The following BCAS1 variants were observed in gnomAD, a reference collection of about 807,000 sequenced individuals.
The protein encoded by BCAS1 is breast carcinoma-amplified sequence 1.
BCAS1 carries 46 observed loss-of-function variants against 65.4 expected under a neutral mutation model. That is an observed-to-expected ratio of 0.70 (90% CI 0.55 to 0.90). The LOEUF (loss-of-function observed/expected upper bound fraction) is 0.90, where lower values mean the gene tolerates loss of function less well. BCAS1 is among the 40% of genes least tolerant of loss of function. The pLI is 0.00. For missense variants in BCAS1, 793 were observed against 771.2 expected (o/e 1.03, Z -0.33); for synonymous variants, 298 against 293.5 (o/e 1.02, Z -0.16).
At chr20:53,985,847 T>C (rs1017350744) in intron 7 of BCAS1, among the ~76,000 whole-genome samples, 5 of 152,172 alleles carry the variant, frequency 3.3e-5, no homozygotes, top group African/African-American at 1.2e-4. Context: ...CAAGTTCCCA[T>C]CAGTAAAAAC....
chr20:54,048,005 C>T (rs571550528), intron 3 of BCAS1, among the ~76,000 whole-genome samples: 2 of 152,268 alleles, frequency 1.3e-5, no homozygotes, highest in East Asian at 3.9e-4. Context: ...CATAGTTGAG[C>T]ATAGAAAGTT....
At chr20:54,069,248 G>C (rs1312944961) in intron 1 of BCAS1, among the ~76,000 whole-genome samples, 3 of 152,072 alleles carry the variant, frequency 2.0e-5, no homozygotes, top group Non-Finnish European at 4.4e-5. Context: ...GACTCCGGGG[G>C]AACAATGTAA....
chr20:54,029,238 T>C, intron 3 of BCAS1: 1 of 985,290 alleles, frequency 1.0e-6, no homozygotes, highest in South Asian at 4.7e-5. Context: ...TGATATTCAA[T>C]GTTAATTAAT....
chr20:54,012,467 TA>T (rs11343372), intron 4 of BCAS1, among the ~76,000 whole-genome samples: 35,213 of 107,992 alleles, frequency 0.33, 4,173 homozygotes, highest in East Asian at 0.52. Context: ...AGTTAAAAAG[TA>T]AAAAAAAAAA....
At chr20:54,041,954 T>C (rs2092008257) in intron 3 of BCAS1, among the ~76,000 whole-genome samples, 1 of 126,166 alleles carries the variant, frequency 7.9e-6, no homozygotes, top group South Asian at 2.9e-4. Context: ...AGATCGTCGG[T>C]GGGAGTGTAA....
chr20:54,065,953 C>T (rs1431220194), intron 1 of BCAS1, among the ~76,000 whole-genome samples: 1 of 152,194 alleles, frequency 6.6e-6, no homozygotes, highest in Non-Finnish European at 1.5e-5. Context: ...ATGGACCATA[C>T]ATTAGCAGTA....
chr20:54,008,565 TC>T (rs1470951836), intron 4 of BCAS1, among the ~76,000 whole-genome samples: 1 of 152,146 alleles, frequency 6.6e-6, no homozygotes, highest in Non-Finnish European at 1.5e-5. Flanking sequence ...GATGTTTGCC[TC>T]CACCTGACAG....
At chr20:53,948,988 T>C (rs2089425843) in intron 12 of BCAS1, among the ~76,000 whole-genome samples, 1 of 152,134 alleles carries the variant, frequency 6.6e-6, no homozygotes, top group Non-Finnish European at 1.5e-5. Flanking sequence ...TGTCTTCCCT[T>C]TTCAAGCCTC....
chr20:53,950,131 C>T (rs2089466662), intron 12 of BCAS1, among the ~76,000 whole-genome samples: 1 of 125,240 alleles, frequency 8.0e-6, no homozygotes, highest in African/African-American at 2.9e-5. Flanking sequence ...ATTATGTCTG[C>T]ATTCCTTGCA....
chr20:54,012,841 ATAAAG>A (rs2091352160), intron 4 of BCAS1, among the ~76,000 whole-genome samples: 1 of 151,522 alleles, frequency 6.6e-6, no homozygotes, highest in Non-Finnish European at 1.5e-5. Flanking sequence ...GCCTAAGGTC[ATAAAG>A]TAGAGTTGGG....
rs1294276433 is a variant in BCAS1, at chr20:54,058,566, C to CAACACACTTG, written c.72+71_72+80dup. 4.6e-6 allele frequency: 7 copies of CAACACACTTG among 1,520,338 alleles called. No homozygotes were observed. The African/African-American group carries it at 9.8e-5, about 21-fold the overall frequency. 94.2% of individuals were successfully genotyped at this position (1,520,338 alleles called of 1,614,324 possible). On this transcript the variant is annotated intron_variant, in intron 2 of 12. Transcript: ENST00000688948. Reference sequence around the variant, plus strand: ...ATCAATCAGCAGCCAGGACTTCAGTCAACACACTTGTCAAATACAGGAAGT... The same window carrying CAACACACTTG: ...ATCAATCAGCAGCCAGGACTTCAGTCAACACACTTGAACACACTTGTCAAATACAGGAAGT...
chr20:53,982,158 T>C (rs1432329784), intron 8 of BCAS1, among the ~76,000 whole-genome samples: 1 of 152,198 alleles, frequency 6.6e-6, no homozygotes, highest in Non-Finnish European at 1.5e-5. Flanking sequence ...ACCTTTCTGA[T>C]TCTGTTGTGT....
At position 54,058,730 on chromosome 20, in the gene BCAS1, T is replaced by G; in HGVS notation, c.-5-7A>C. Reference sequence around the variant, plus strand: ...ATTTGGTTACCCATTGCTCCTATAATGGAGAGAAAGAGAGGAAGAGAGAAA... The same window carrying G: ...ATTTGGTTACCCATTGCTCCTATAAGGGAGAGAAAGAGAGGAAGAGAGAAA... On this transcript the variant is annotated splice_region_variant and splice_polypyrimidine_tract_variant and intron_variant, in intron 1 of 12. Transcript: ENST00000688948. 6.2e-7 allele frequency: 1 copy of G among 1,605,880 alleles called. No homozygotes were observed.
At chr20:54,041,506 A>G (rs1244486086) in intron 3 of BCAS1, among the ~76,000 whole-genome samples, 2 of 152,198 alleles carry the variant, frequency 1.3e-5, no homozygotes, top group Non-Finnish European at 2.9e-5. Context: ...TAAAAGCACA[A>G]TAAAATTATG....
intron 4 of BCAS1, among the ~76,000 whole-genome samples, chr20:54,022,368 C>G (rs946770276): frequency 6.6e-6 from 1 of 152,164 alleles, no homozygotes; most frequent in Non-Finnish European, 1.5e-5. Flanking sequence ...TATTCAAACT[C>G]CATCACTCTG....
chr20:54,047,112 C>T (rs564230264), intron 3 of BCAS1, among the ~76,000 whole-genome samples: 1 of 152,326 alleles, frequency 6.6e-6, no homozygotes, highest in East Asian at 1.9e-4. Context: ...TATTTGGGAA[C>T]TGGCTGGGTA....
At chr20:54,027,082 C>T (rs2091688939) in intron 4 of BCAS1, among the ~76,000 whole-genome samples, 1 of 152,164 alleles carries the variant, frequency 6.6e-6, no homozygotes, top group Admixed American at 6.5e-5. Flanking sequence ...GTTATTCAAC[C>T]GGCTTCTTGA....
chr20:54,007,177 G>C (rs1226448116), intron 4 of BCAS1, among the ~76,000 whole-genome samples: 1 of 152,188 alleles, frequency 6.6e-6, no homozygotes, highest in Non-Finnish European at 1.5e-5. Flanking sequence ...GCTATGTCTA[G>C]GTTGCCCGCA....
intron 12 of BCAS1, among the ~76,000 whole-genome samples, chr20:53,949,632 GC>G (rs1001001881): frequency 3.9e-5 from 6 of 152,188 alleles, no homozygotes; most frequent in African/African-American, 1.4e-4. Flanking sequence ...CGGCAGGGAA[GC>G]CCCCCTCCGT....
Sources: gnomAD v4.1 joint callset for allele counts (sites outside exome capture counted in the v4.1 genomes callset) on GRCh38, gnomAD v4.1.1 for gene constraint, MANE v1.5 for transcripts, NCBI Gene and HGNC (gene_info 2026-07-23, HGNC 2026-07-21) for gene names.